The following RASA3 variants were observed in gnomAD, a reference collection of about 807,000 sequenced individuals.
RASA3 encodes the protein ras GTPase-activating protein 3.
Under a neutral mutation model 110.0 loss-of-function variants are expected in RASA3, and 73 were observed. That is an observed-to-expected ratio of 0.66 (90% CI 0.55 to 0.81). The LOEUF is 0.81. RASA3 is among the 30% of genes least tolerant of loss of function. RASA3 has a pLI of 0.00. For synonymous variants in RASA3, 500 were observed against 451.4 expected (o/e 1.11, Z -1.37); for missense variants, 976 against 1,113.2 (o/e 0.88, Z 1.75).
intron 2 of RASA3, among the ~76,000 whole-genome samples, chr13:114,055,120 G>A (rs2079219804): frequency 6.7e-6 from 1 of 150,372 alleles, no homozygotes; most frequent in African/African-American, 2.4e-5. Flanking sequence ...GTCCCCACAG[G>A]CAGGTGTGCA....
At chr13:114,103,948 G>A (rs56924505) in intron 1 of RASA3, among the ~76,000 whole-genome samples, 3 of 21,940 alleles carry the variant, frequency 1.4e-4, no homozygotes, top group East Asian at 1.4e-3. Context: ...CCACAGCCAC[G>A]GACACCCACC....
chr13:114,043,198 C>T (rs1398463032), intron 3 of RASA3, among the ~76,000 whole-genome samples: 4 of 152,166 alleles, frequency 2.6e-5, no homozygotes, highest in African/African-American at 7.2e-5. Flanking sequence ...AGCGCAAGGT[C>T]GGCCACATGA....
chr13:114,013,747 TC>T (rs2053707825), intron 14 of RASA3, among the ~76,000 whole-genome samples: 1 of 146,514 alleles, frequency 6.8e-6, no homozygotes, highest in African/African-American at 2.6e-5. Context: ...TCTGGCTCTC[TC>T]TCTCTCTCTC....
At chr13:113,981,271 G>C (rs932607745) in intron 23 of RASA3, among the ~76,000 whole-genome samples, 1 of 152,176 alleles carries the variant, frequency 6.6e-6, no homozygotes, top group Non-Finnish European at 1.5e-5. Flanking sequence ...AGTGGGTTTC[G>C]TCCAGAGCTG....
intron 3 of RASA3, among the ~76,000 whole-genome samples, chr13:114,042,486 C>T (rs942603842): frequency 6.6e-6 from 1 of 152,258 alleles, no homozygotes; most frequent in African/African-American, 2.4e-5. Flanking sequence ...GAGACACACA[C>T]GCCCTCCTTA....
At chr13:114,072,938 A>T (rs1392547949) in intron 2 of RASA3, among the ~76,000 whole-genome samples, 1 of 137,498 alleles carries the variant, frequency 7.3e-6, no homozygotes, top group African/African-American at 3.2e-5. Flanking sequence ...CATTCTCTAC[A>T]CATGGGAAAA....
chr13:114,018,846 C>G lies in RASA3; in HGVS notation c.859G>C (p.Val287Leu), dbSNP rs767002437. ...PDDLGSLRLN[V>L]VYTEDHVFSS... ...AACACGTGGTCTTCCGTGTATACCA[C>G]GTTCAGCCGCAGGGAGCCCAGGTCG... Residue 287 changes from valine to leucine, a missense_variant, in exon 10 of 24, where the codon GTG becomes CTG. Around this residue, in one of 4 missense-constraint regions of RASA3, gnomAD observed 732 missense variants for 779.7 expected, o/e 0.94. Coordinates refer to ENST00000334062, the MANE Select transcript of RASA3 (RefSeq NM_007368.4). The G allele has an allele frequency of 1.9e-6, 3 of 1,613,948 alleles. No individual in the cohort carries two copies. Among genetic ancestry groups the G allele is most frequent in the African/African-American group, 1.3e-5 (1 of 75,066 alleles).
chr13:114,043,837 G>GCCCCCCCCCCCCCCCCCCCCCCCGCCT (rs544129523), intron 3 of RASA3, among the ~76,000 whole-genome samples: 1 of 22,826 alleles, frequency 4.4e-5, no homozygotes, highest in Non-Finnish European at 7.1e-5. Context: ...CACTCGCTGA[G>GCCCCCCCCCCCCCCCCCCCCCCCGCCT]CCCCCCGCCC....
chr13:114,020,568 C>T (rs2053904816), intron 9 of RASA3, among the ~76,000 whole-genome samples: 1 of 152,234 alleles, frequency 6.6e-6, no homozygotes. Context: ...GGCACACAGT[C>T]CACGCCTGGG....
At chr13:114,122,615 G>A (rs1038144882) in intron 1 of RASA3, among the ~76,000 whole-genome samples, 1 of 152,236 alleles carries the variant, frequency 6.6e-6, no homozygotes, top group African/African-American at 2.4e-5. Context: ...CTGGGCCCGG[G>A]GGTGCAGGTG....
intron 17 of RASA3, 100 bp downstream of exon 17, chr13:114,009,287 T>C (rs1269736613): frequency 3.1e-6 from 3 of 975,950 alleles, no homozygotes; most frequent in East Asian, 2.4e-5. Context: ...AAATCGCTAA[T>C]GGCCAAGTCT....
chr13:114,131,333 C>A (rs2080515798), intron 1 of RASA3, among the ~76,000 whole-genome samples: 1 of 152,176 alleles, frequency 6.6e-6, no homozygotes, highest in African/African-American at 2.4e-5. Flanking sequence ...CGCGACACTG[C>A]AGGCCCTGGA....
At chr13:114,128,825 C>T (rs1054974456) in intron 1 of RASA3, among the ~76,000 whole-genome samples, 1 of 152,226 alleles carries the variant, frequency 6.6e-6, no homozygotes, top group Non-Finnish European at 1.5e-5. Flanking sequence ...CACGGCAGGC[C>T]CGGCCTCCCA....
At chr13:114,116,193 T>C (rs2080273101) in intron 1 of RASA3, among the ~76,000 whole-genome samples, 1 of 152,208 alleles carries the variant, frequency 6.6e-6, no homozygotes, top group African/African-American at 2.4e-5. Context: ...CTGAAGTTTT[T>C]GGCCTTGAGA....
At chr13:114,019,128 A>C (rs1179451813) in intron 9 of RASA3, among the ~76,000 whole-genome samples, 2 of 150,636 alleles carry the variant, frequency 1.3e-5, no homozygotes, top group Non-Finnish European at 3.0e-5. Flanking sequence ...GTTGGAGCCA[A>C]AGGCGCAGGA....
At chr13:114,027,538 T>C (rs375712597) in intron 6 of RASA3, 77 bp from the exon 7 acceptor site, 1 of 1,107,140 alleles carries the variant, frequency 9.0e-7, no homozygotes, top group African/African-American at 1.6e-5. Flanking sequence ...AACCGAGCTC[T>C]CAAATGCACA....
chr13:114,019,443 C>T (rs993191120), intron 9 of RASA3, among the ~76,000 whole-genome samples: 26 of 152,244 alleles, frequency 1.7e-4, no homozygotes, highest in African/African-American at 6.0e-4. Flanking sequence ...CCCTCTTCTG[C>T]TCTCATTTGT....
chr13:114,023,572 G>T (rs1177139588), intron 8 of RASA3, among the ~76,000 whole-genome samples: 1 of 152,244 alleles, frequency 6.6e-6, no homozygotes, highest in Non-Finnish European at 1.5e-5. Flanking sequence ...GAACCCGCCG[G>T]GGTTTGTGAA....
chr13:113,997,600 G>C (rs2053285146), intron 20 of RASA3, among the ~76,000 whole-genome samples: 1 of 152,062 alleles, frequency 6.6e-6, no homozygotes, highest in South Asian at 2.1e-4. Context: ...TAGGATTAGA[G>C]GGACGGGGGT....
Sources: gnomAD v4.1 joint callset for allele counts (sites outside exome capture counted in the v4.1 genomes callset) on GRCh38, gnomAD v4.1.1 for gene constraint, gnomAD v4.1.1 regional missense constraint, MANE v1.5 for transcripts, NCBI Gene and HGNC (gene_info 2026-07-23, HGNC 2026-07-21) for gene names.